JAK2: variants seen among roughly 807,000 people sequenced by gnomAD.
JAK2 encodes Janus kinase 2, also known as tyrosine-protein kinase JAK2.
In JAK2, 86 loss-of-function variants were observed where a neutral mutation model predicts 139.3. That is an observed-to-expected ratio of 0.62 (90% CI 0.52 to 0.74). JAK2 has a LOEUF of 0.74. Among genes scored for constraint, JAK2 ranks in the 30% least tolerant of loss-of-function variants. The pLI is 0.00. For synonymous variants in JAK2, 490 were observed against 437.7 expected (o/e 1.12, Z -1.49); for missense variants, 1,421 against 1,360.3 (o/e 1.04, Z -0.70).
chr9:5,032,326 G>C (rs910640754), intron 4 of JAK2, among the ~76,000 whole-genome samples: 2 of 152,212 alleles, frequency 1.3e-5, no homozygotes, highest in African/African-American at 4.8e-5. Context: ...CTGGGGGCAG[G>C]GCATAGCCAA....
intron 2 of JAK2, among the ~76,000 whole-genome samples, chr9:5,008,856 AC>A (rs1469197134): frequency 6.6e-6 from 1 of 151,918 alleles, no homozygotes; most frequent in Admixed American, 6.6e-5. Context: ...TTAGAATTGT[AC>A]TCCCTGGATT....
In JAK2 at chr9:5,123,289, T is replaced by C. The variant is rs1586842839; in HGVS notation, c.3177+168T>C. On this transcript the variant is annotated intron_variant, in intron 23 of 24. Coordinates refer to ENST00000381652, the MANE Select transcript of JAK2 (RefSeq NM_004972.4). ...AACATACATTGTATCCCTTAAATAA[T>C]TTCTCAGCATCTACTCCACCAATGG... 2.0e-5 allele frequency among the ~76,000 whole-genome samples: 3 copies of C among 151,980 alleles called. No individual in the cohort carries two copies. In the South Asian group the frequency reaches 6.2e-4, roughly 31 times the overall value.
At chr9:5,012,259 GAGTA>G (rs1411177950) in intron 2 of JAK2, among the ~76,000 whole-genome samples, 1 of 152,232 alleles carries the variant, frequency 6.6e-6, no homozygotes, top group Non-Finnish European at 1.5e-5. Context: ...GATGGAAGAA[GAGTA>G]AGTATGGGCC....
At chr9:5,047,132 T>C (rs1367789629) in intron 5 of JAK2, among the ~76,000 whole-genome samples, 1 of 152,204 alleles carries the variant, frequency 6.6e-6, no homozygotes, top group African/African-American at 2.4e-5. Flanking sequence ...TTTTTACTTC[T>C]CTAAATTTGT....
intron 22 of JAK2, among the ~76,000 whole-genome samples, chr9:5,095,836 C>A (rs1037628395): frequency 5.3e-5 from 8 of 152,136 alleles, no homozygotes; most frequent in African/African-American, 1.9e-4. Context: ...CATTATAAAT[C>A]TGATTGTTTA....
At chr9:5,085,079 T>C in intron 19 of JAK2, 3 of 676,916 alleles carry the variant, frequency 4.4e-6, no homozygotes, top group South Asian at 1.4e-5. Flanking sequence ...CTCTCTCTTA[T>C]TGCTTCATGG....
At chr9:5,094,326 C>G (rs1820812651) in intron 22 of JAK2, 1 of 152,266 alleles carries the variant, frequency 6.6e-6, no homozygotes. Context: ...TCACCCTCCT[C>G]TTCTGGACTC....
chr9:5,009,333 A>G (rs979411324), intron 2 of JAK2, among the ~76,000 whole-genome samples: 2 of 152,188 alleles, frequency 1.3e-5, no homozygotes, highest in Admixed American at 6.5e-5. Context: ...AATATCCACA[A>G]AATTGTGTAT....
intron 22 of JAK2, chr9:5,112,794 T>C: frequency 3.6e-6 from 2 of 559,738 alleles, no homozygotes; most frequent in Non-Finnish European, 2.8e-6. Flanking sequence ...CAGATGGTGC[T>C]TTCAGCTGCC....
At chr9:5,082,229 A>G (rs1002034932) in intron 19 of JAK2, among the ~76,000 whole-genome samples, 3 of 152,216 alleles carry the variant, frequency 2.0e-5, no homozygotes, top group Non-Finnish European at 4.4e-5. Flanking sequence ...TGTTTTCACT[A>G]TCTCAGCAAG....
chr9:5,097,210 T>C (rs948920432), intron 22 of JAK2: 2 of 152,212 alleles, frequency 1.3e-5, no homozygotes, highest in Admixed American at 6.5e-5. Flanking sequence ...ACACCCCTTT[T>C]CGTCCAACCA....
intron 19 of JAK2, chr9:5,085,362 G>A (rs1820004690): frequency 2.2e-6 from 2 of 903,140 alleles, no homozygotes; most frequent in Admixed American, 3.5e-5. Flanking sequence ...CGTACTGATA[G>A]GTGATCTCAT....
chr9:4,997,009 C>T (rs1820609333), intron 2 of JAK2, among the ~76,000 whole-genome samples: 2 of 150,088 alleles, frequency 1.3e-5, no homozygotes, highest in African/African-American at 2.5e-5. Context: ...CTCACTGCAG[C>T]CTTGCCTTCC....
chr9:5,006,746 C>G (rs78785334), intron 2 of JAK2, among the ~76,000 whole-genome samples: 1 of 152,194 alleles, frequency 6.6e-6, no homozygotes, highest in African/African-American at 2.4e-5. Context: ...GACCCAGTCA[C>G]CTCTCACCAG....
intron 22 of JAK2, among the ~76,000 whole-genome samples, chr9:5,118,428 A>G (rs1391557737): frequency 6.6e-6 from 1 of 152,246 alleles, no homozygotes; most frequent in Non-Finnish European, 1.5e-5. Context: ...TGTGACCAAC[A>G]AACTTGTAAC....
intron 4 of JAK2, among the ~76,000 whole-genome samples, chr9:5,032,220 G>C (rs553098000): frequency 1.3e-5 from 2 of 152,240 alleles, no homozygotes; most frequent in Non-Finnish European, 2.9e-5. Flanking sequence ...CGCCATTGCC[G>C]AGGGTTGAGT....
At chr9:5,125,721 C>T (rs866243088) in intron 23 of JAK2, among the ~76,000 whole-genome samples, 2 of 150,058 alleles carry the variant, frequency 1.3e-5, no homozygotes, top group Non-Finnish European at 3.0e-5. Context: ...ATTTTAATTT[C>T]CATTTCTTTT....
intron 19 of JAK2, among the ~76,000 whole-genome samples, chr9:5,086,905 C>G (rs1586764664): frequency 6.6e-6 from 1 of 152,112 alleles, no homozygotes; most frequent in Admixed American, 6.5e-5. Context: ...AAACTACTTT[C>G]GCTGGTATCC....
chr9:5,022,662 A>G (rs1433178704), intron 3 of JAK2, among the ~76,000 whole-genome samples: 6 of 152,094 alleles, frequency 3.9e-5, no homozygotes, highest in Non-Finnish European at 8.8e-5. Flanking sequence ...CCTCATATAT[A>G]TTTCTTATGT....
Sources: gnomAD v4.1 joint callset for allele counts (sites outside exome capture counted in the v4.1 genomes callset) on GRCh38, gnomAD v4.1.1 for gene constraint, MANE v1.5 for transcripts, NCBI Gene and HGNC (gene_info 2026-07-23, HGNC 2026-07-21) for gene names.